LRP1B: variants seen among roughly 807,000 people sequenced by gnomAD.
The protein encoded by LRP1B is LDL receptor related protein 1B.
LRP1B carries 217 observed loss-of-function variants against 556.6 expected under a neutral mutation model. That is an observed-to-expected ratio of 0.39 (90% CI 0.35 to 0.44). The LOEUF is 0.44. Ranked by LOEUF, LRP1B falls within the 20% of genes least tolerant of loss-of-function variation. LRP1B has a pLI of 1.00. For synonymous variants in LRP1B, 2,047 were observed against 1,865.8 expected, an observed-to-expected ratio of 1.10 and a Z score of -2.50; for missense variants, 5,053 against 5,620.8, an observed-to-expected ratio of 0.90 and a Z score of 3.23.
chr2:141,886,862 C>T (rs1254951820), intron 1 of LRP1B, among the ~76,000 whole-genome samples: 1 of 151,714 alleles, frequency 6.6e-6, no homozygotes, highest in Non-Finnish European at 1.5e-5. Flanking sequence ...ACGCTAGCTG[C>T]TGTTTCTTGT....
intron 21 of LRP1B, among the ~76,000 whole-genome samples, chr2:140,911,005 G>A (rs1379250215): frequency 6.6e-6 from 1 of 151,764 alleles, no homozygotes; most frequent in Admixed American, 6.6e-5. Context: ...TTAGGGAAAG[G>A]AAAGTAACAA....
At chr2:140,327,020 C>A (rs183296666) in intron 79 of LRP1B, among the ~76,000 whole-genome samples, 1 of 152,052 alleles carries the variant, frequency 6.6e-6, no homozygotes, top group Non-Finnish European at 1.5e-5. Context: ...TTCTATAATA[C>A]ATCTTCACTG....
At chr2:141,346,643 T>A (rs993620393) in intron 3 of LRP1B, among the ~76,000 whole-genome samples, 5 of 152,116 alleles carry the variant, frequency 3.3e-5, no homozygotes, top group African/African-American at 4.8e-5. Context: ...CCCTTGACGG[T>A]TGGGGCAACT....
intron 2 of LRP1B, among the ~76,000 whole-genome samples, chr2:141,504,276 TTAC>T (rs1349724418): frequency 6.6e-6 from 1 of 152,140 alleles, no homozygotes; most frequent in East Asian, 1.9e-4. Context: ...TAATTTTGGA[TTAC>T]TAGTGGCTAG....
chr2:140,897,192 T>TAA (rs879485876), intron 23 of LRP1B, among the ~76,000 whole-genome samples: 4 of 152,176 alleles, frequency 2.6e-5, no homozygotes, highest in Non-Finnish European at 5.9e-5. Flanking sequence ...ATAGCAATCT[T>TAA]AACAGTGAGA....
At chr2:141,257,926 A>G (rs1051700343) in intron 3 of LRP1B, among the ~76,000 whole-genome samples, 5 of 152,250 alleles carry the variant, frequency 3.3e-5, no homozygotes, top group Admixed American at 6.5e-5. Context: ...TATAGTTAAA[A>G]GCATATCAGA....
intron 1 of LRP1B, among the ~76,000 whole-genome samples, chr2:142,001,665 G>A (rs753394272): frequency 2.6e-5 from 4 of 152,244 alleles, no homozygotes; most frequent in South Asian, 2.1e-4. Context: ...ACAAGTCTCC[G>A]TTTATTAAAT....
At chr2:141,144,752 T>C (rs759090368) in intron 7 of LRP1B, among the ~76,000 whole-genome samples, 15 of 152,174 alleles carry the variant, frequency 9.9e-5, no homozygotes, top group Non-Finnish European at 1.5e-4. Context: ...CCATCTGGCA[T>C]AACTGGAAAT....
In LRP1B at chr2:141,544,322, C is replaced by CTTCTTCTTCTTCTTCTTCTT. The variant is rs1559130944; in HGVS notation, c.206-63809_206-63790dup. 3.0e-3 allele frequency among the ~76,000 whole-genome samples: 150 copies of CTTCTTCTTCTTCTTCTTCTT among 50,416 alleles called. 3 individuals are homozygous for CTTCTTCTTCTTCTTCTTCTT. Among genetic ancestry groups the CTTCTTCTTCTTCTTCTTCTT allele is most frequent in the South Asian group, 0.021 (14 of 676 alleles). The allele number at this position is 50,416 out of a possible 152,430, so 33.1% of individuals were successfully genotyped here. On this transcript the variant is annotated intron_variant, in intron 2 of 90. Coordinates refer to ENST00000389484, the MANE Select transcript of LRP1B (RefSeq NM_018557.3). ...TCTTCTTCTTCTTCTTCTTCTTCTTCTTCTTCTTCTTCTTCTTCTTCTTCT... is the reference window on the plus strand; with the variant it reads ...TCTTCTTCTTCTTCTTCTTCTTCTTCTTCTTCTTCTTCTTCTTCTTTTCTTCTTCTTCTTCTTCTTCTTCT...
intron 27 of LRP1B, among the ~76,000 whole-genome samples, chr2:140,862,001 A>G (rs1692812478): frequency 1.3e-5 from 2 of 151,980 alleles, no homozygotes; most frequent in Admixed American, 6.6e-5. Context: ...AGGCTCTATC[A>G]TTGCCCTTTT....
chr2:140,895,536 C>T (rs1693928858), intron 23 of LRP1B, among the ~76,000 whole-genome samples: 2 of 152,078 alleles, frequency 1.3e-5, no homozygotes. Flanking sequence ...CGTGTGGCCC[C>T]TAGAGCCTCA....
chr2:140,285,329 ACACAT>A (rs1683101548), intron 84 of LRP1B, among the ~76,000 whole-genome samples: 1 of 38,480 alleles, frequency 2.6e-5, no homozygotes, highest in Non-Finnish European at 1.4e-4. Context: ...ACACACATAT[ACACAT>A]ACATATGTAT....
chr2:141,036,919 C>G (rs911568877), intron 11 of LRP1B, among the ~76,000 whole-genome samples: 1 of 151,982 alleles, frequency 6.6e-6, no homozygotes, highest in African/African-American at 2.4e-5. Context: ...GCCCAAAACT[C>G]CCCTAGATAT....
chr2:141,365,203 T>A (rs921652438), intron 3 of LRP1B, among the ~76,000 whole-genome samples: 9 of 151,764 alleles, frequency 5.9e-5, no homozygotes, highest in South Asian at 4.2e-4. Context: ...AGAAAAAAAA[T>A]TATGATGCAT....
chr2:141,646,895 G>A (rs903222580), intron 2 of LRP1B, among the ~76,000 whole-genome samples: 1 of 152,134 alleles, frequency 6.6e-6, no homozygotes, highest in Non-Finnish European at 1.5e-5. Flanking sequence ...GTCAGTCAAG[G>A]GGGGAACAAG....
At chr2:140,945,507 A>C (rs2105292390) in intron 20 of LRP1B, among the ~76,000 whole-genome samples, 1 of 152,286 alleles carries the variant, frequency 6.6e-6, no homozygotes, top group African/African-American at 2.4e-5. Context: ...GTACAAAAAT[A>C]GACACACAGA....
intron 1 of LRP1B, among the ~76,000 whole-genome samples, chr2:141,845,552 G>A (rs1270128607): frequency 6.6e-6 from 1 of 151,886 alleles, no homozygotes; most frequent in Non-Finnish European, 1.5e-5. Flanking sequence ...TAGGGGGACT[G>A]CAGTGTCTGA....
chr2:141,541,256 T>C (rs1230579055), intron 2 of LRP1B, among the ~76,000 whole-genome samples: 1 of 152,074 alleles, frequency 6.6e-6, no homozygotes, highest in East Asian at 1.9e-4. Flanking sequence ...GAAAGTGGAC[T>C]CTGCCATCCA....
chr2:140,415,166 G>C (rs1962476), intron 66 of LRP1B, among the ~76,000 whole-genome samples: 36,651 of 151,872 alleles, frequency 0.24, 4,539 homozygotes, highest in East Asian at 0.36. Flanking sequence ...TGCTCGTGAA[G>C]GCTGTTTTCT....
Sources: gnomAD v4.1 joint callset for allele counts (sites outside exome capture counted in the v4.1 genomes callset) on GRCh38, gnomAD v4.1.1 for gene constraint, MANE v1.5 for transcripts, NCBI Gene and HGNC (gene_info 2026-07-23, HGNC 2026-07-21) for gene names.